Variants in ANXA8 observed in about 807,000 individuals in gnomAD.
The protein encoded by ANXA8 is annexin A8.
ANXA8 carries 9 observed loss-of-function variants against 26.8 expected under a neutral mutation model. The ratio of observed to expected loss-of-function variants is 0.34; its 90% CI spans 0.20 to 0.59. The LOEUF (loss-of-function observed/expected upper bound fraction) is 0.59. ANXA8 is among the 20% of genes least tolerant of loss of function. The probability of loss-of-function intolerance (pLI) is 0.84; values close to 1 mark genes in which losing one functional copy is unlikely to be tolerated. For missense variants in ANXA8, 83 were observed against 238.5 expected (o/e 0.35, Z 4.29); for synonymous variants, 39 against 94.8 (o/e 0.41, Z 3.42).
chr10:47,755,116 C>T, the ANXA8 span, among the ~76,000 whole-genome samples: 1 of 151,056 alleles, frequency 6.6e-6, no homozygotes, highest in African/African-American at 2.5e-5. Flanking sequence ...ACCACCACGC[C>T]TAGCTAACTT....
chr10:47,510,116 C>A, the ANXA8 span: 28 of 1,251,824 alleles, frequency 2.2e-5, 3 homozygotes, highest in Non-Finnish European at 2.5e-5. Flanking sequence ...AACCAAATGG[C>A]TGAAATAATT....
the ANXA8 span, among the ~76,000 whole-genome samples, chr10:47,743,405 T>TGTGAGAGAGA: frequency 2.3e-4 from 19 of 83,530 alleles, no homozygotes; most frequent in African/African-American, 3.0e-4. Context: ...TGTGTGTGTG[T>TGTGAGAGAGA]GAGAGAGAGA....
the ANXA8 span, among the ~76,000 whole-genome samples, chr10:47,548,528 C>G: frequency 6.6e-6 from 1 of 152,016 alleles, no homozygotes; most frequent in Non-Finnish European, 1.5e-5. Context: ...CTCGAACTCC[C>G]GACCTCAGGT....
chr10:47,659,818 G>A, the ANXA8 span, among the ~76,000 whole-genome samples: 5 of 151,162 alleles, frequency 3.3e-5, no homozygotes, highest in African/African-American at 2.4e-5. Context: ...GTGCAGTGAT[G>A]TGATCTCTGC....
the ANXA8 span, among the ~76,000 whole-genome samples, chr10:47,749,735 C>G: frequency 6.7e-6 from 1 of 148,890 alleles, no homozygotes. Flanking sequence ...AAAATAAAAA[C>G]AAAAATGGGT....
chr10:47,468,999 C>T, intron 11 of ANXA8, 93 bp from the exon 12 acceptor site: 2 of 1,541,964 alleles, frequency 1.3e-6, no homozygotes, highest in Non-Finnish European at 1.8e-6. Context: ...AGGTGTGCCC[C>T]TGGCCTGCAC....
the ANXA8 span, among the ~76,000 whole-genome samples, chr10:47,939,303 CA>C: frequency 0.39 from 31,494 of 80,522 alleles, 5,369 homozygotes; most frequent in African/African-American, 0.55. Context: ...AACTCTGTCT[CA>C]AAAAAAAAAA....
the ANXA8 span, among the ~76,000 whole-genome samples, chr10:47,946,910 C>A: frequency 6.6e-6 from 1 of 150,570 alleles, no homozygotes. Context: ...CCAGGTTGGT[C>A]TTGAACTCCT....
chr10:47,717,996 T>TGAAA, the ANXA8 span, among the ~76,000 whole-genome samples: 2 of 26,690 alleles, frequency 7.5e-5, no homozygotes, highest in African/African-American at 3.0e-4. Flanking sequence ...ATACTCTGTC[T>TGAAA]CAAAAAAAAA....
chr10:47,726,679 CT>C, the ANXA8 span, among the ~76,000 whole-genome samples: 1 of 152,276 alleles, frequency 6.6e-6, no homozygotes, highest in African/African-American at 2.4e-5. Context: ...AAAAAAAAAC[CT>C]TTTTTTCCTT....
chr10:47,656,924 C>T, the ANXA8 span, among the ~76,000 whole-genome samples: 1 of 149,352 alleles, frequency 6.7e-6, no homozygotes, highest in African/African-American at 2.5e-5. Context: ...CGGCATGGAC[C>T]CTGGGAAGTG....
At chr10:47,971,240 C>T in the ANXA8 span, among the ~76,000 whole-genome samples, 13 of 150,982 alleles carry the variant, frequency 8.6e-5, 1 homozygote, top group Non-Finnish European at 1.3e-4. Context: ...GACTTTGAGG[C>T]CGTGAGAAGG....
the ANXA8 span, among the ~76,000 whole-genome samples, chr10:47,599,201 T>TTG: frequency 7.0e-6 from 1 of 143,400 alleles, no homozygotes; most frequent in African/African-American, 2.8e-5. Flanking sequence ...ATAAAAATCA[T>TTG]TTATCAAACA....
chr10:47,623,581 T>C, the ANXA8 span, among the ~76,000 whole-genome samples: 2 of 111,614 alleles, frequency 1.8e-5, 1 homozygote, highest in Non-Finnish European at 3.9e-5. Flanking sequence ...TTCTTAATTA[T>C]AGTTTTATAT....
rs1284900414 is a variant in ANXA8, at chr10:47,483,958, C to T, written c.-25G>A. On this transcript the variant is annotated 5_prime_UTR_variant, in exon 1 of 12. Transcript: ENST00000585281. ...TCTCTTTCACCTCGGGGGCACCTTT[C>T]CCAGGGAGATGAAGAGACACAGGTT... 1 of 1,611,700 alleles carries T rather than the reference C, an allele frequency of 6.2e-7. No homozygotes were observed. Among genetic ancestry groups the T allele is most frequent in the Non-Finnish European group, 8.5e-7 (1 of 1,179,850 alleles).
At chr10:47,741,075 G>T in the ANXA8 span, among the ~76,000 whole-genome samples, 1 of 138,532 alleles carries the variant, frequency 7.2e-6, no homozygotes, top group Non-Finnish European at 1.6e-5. Flanking sequence ...CCTGGTTTTG[G>T]TTTCTCTTTC....
chr10:47,768,733 C>T, the ANXA8 span, among the ~76,000 whole-genome samples: 1 of 151,744 alleles, frequency 6.6e-6, no homozygotes, highest in East Asian at 1.9e-4. Context: ...TGCTTTCTGT[C>T]CCCTGGAGTT....
chr10:47,775,300 G>T, the ANXA8 span, among the ~76,000 whole-genome samples: 1 of 144,844 alleles, frequency 6.9e-6, no homozygotes, highest in Admixed American at 6.9e-5. Context: ...TTGAACCTGG[G>T]AGGCAGAGGT....
chr10:47,513,699 A>G, the ANXA8 span, among the ~76,000 whole-genome samples: 1 of 140,336 alleles, frequency 7.1e-6, no homozygotes, highest in African/African-American at 2.6e-5. Context: ...ACATACACCA[A>G]TGGAATAGAA....
Sources: gnomAD v4.1 joint callset for allele counts (sites outside exome capture counted in the v4.1 genomes callset) on GRCh38, gnomAD v4.1.1 for gene constraint, MANE v1.5 for transcripts, NCBI Gene and HGNC (gene_info 2026-07-23, HGNC 2026-07-21) for gene names.